Variants in CACNB4 observed in about 807,000 individuals in gnomAD.
The protein encoded by CACNB4 is voltage-dependent L-type calcium channel subunit beta-4.
Under a neutral mutation model 71.2 loss-of-function variants are expected in CACNB4, and 32 were observed. That is an observed-to-expected ratio of 0.45 (90% CI 0.34 to 0.60). CACNB4 has a LOEUF of 0.60. Among genes scored for constraint, CACNB4 ranks in the 20% least tolerant of loss-of-function variants. The pLI is 0.01. For synonymous variants in CACNB4, 231 were observed against 236.9 expected (o/e 0.97, Z 0.23); for missense variants, 464 against 647.9 (o/e 0.72, Z 3.08).
intron 13 of CACNB4, among the ~76,000 whole-genome samples, chr2:151,840,209 T>A (rs757784417): frequency 6.6e-6 from 1 of 152,156 alleles, no homozygotes; most frequent in Non-Finnish European, 1.5e-5. Flanking sequence ...CCCAGACACA[T>A]CTCATCTAAA....
At chr2:152,073,686 A>G (rs1686829221) in intron 2 of CACNB4, among the ~76,000 whole-genome samples, 1 of 152,240 alleles carries the variant, frequency 6.6e-6, no homozygotes, top group South Asian at 2.1e-4. Flanking sequence ...AACAAAAGAG[A>G]TAATGGTGGG....
Position 151,870,999 on chromosome 2 carries a change from C to T in CACNB4, c.599-138G>A. Reference sequence around the variant, plus strand: ...CCTTCCTATCGCCCACTTTGGAGAACCTGCCTTATGATTTCATTCTGGACA... The same window carrying T: ...CCTTCCTATCGCCCACTTTGGAGAATCTGCCTTATGATTTCATTCTGGACA... On this transcript the variant is annotated intron_variant, in intron 6 of 13. Transcript: ENST00000539935. 4 of 649,280 alleles carry T rather than the reference C, an allele frequency of 6.2e-6. No homozygotes were observed. The South Asian group carries it at 8.1e-5, about 13-fold the overall frequency. 40.2% of individuals were successfully genotyped at this position (649,280 alleles called of 1,614,324 possible). A position where few individuals can be genotyped will look rare whatever the true frequency, so the allele number is the denominator to read the frequency against.
At chr2:151,915,441 G>T (rs903693544) in intron 2 of CACNB4, among the ~76,000 whole-genome samples, 2 of 152,196 alleles carry the variant, frequency 1.3e-5, no homozygotes, top group African/African-American at 2.4e-5. Flanking sequence ...TGTCCCTCCC[G>T]CAAGGAGCTC....
At chr2:152,008,998 C>T (rs11886908) in intron 2 of CACNB4, among the ~76,000 whole-genome samples, 7,548 of 152,052 alleles carry the variant, frequency 0.05, 621 homozygotes, top group African/African-American at 0.17. Flanking sequence ...AAATGAACAG[C>T]GCTTTTAACC....
At chr2:151,962,908 T>C (rs1159018930) in intron 2 of CACNB4, 4 of 152,204 alleles carry the variant, frequency 2.6e-5, no homozygotes, top group Non-Finnish European at 5.9e-5. Flanking sequence ...AACTGTTTTG[T>C]AAGCTGTCAA....
chr2:151,986,903 G>T (rs1472164377), intron 2 of CACNB4, among the ~76,000 whole-genome samples: 1 of 152,124 alleles, frequency 6.6e-6, no homozygotes, highest in Non-Finnish European at 1.5e-5. Flanking sequence ...TTCAGCAGGA[G>T]TTGCTTCAGA....
chr2:152,084,201 G>A (rs144163061), intron 2 of CACNB4, among the ~76,000 whole-genome samples: 79 of 152,308 alleles, frequency 5.2e-4, no homozygotes, highest in African/African-American at 1.8e-3. Context: ...TCATGCTGCA[G>A]AAGCTGGCTT....
intron 2 of CACNB4, among the ~76,000 whole-genome samples, chr2:151,989,292 T>C (rs1278339901): frequency 6.6e-6 from 1 of 152,238 alleles, no homozygotes; most frequent in African/African-American, 2.4e-5. Flanking sequence ...CTGTCCTTCA[T>C]AGCCAACATC....
At chr2:151,943,867 A>G (rs1377664355) in intron 2 of CACNB4, among the ~76,000 whole-genome samples, 1 of 152,208 alleles carries the variant, frequency 6.6e-6, no homozygotes. Context: ...CAATTATTAG[A>G]GACTCCAATT....
intron 2 of CACNB4, among the ~76,000 whole-genome samples, chr2:152,039,370 C>G (rs1579182385): frequency 6.6e-6 from 1 of 151,160 alleles, no homozygotes; most frequent in East Asian, 2.0e-4. Flanking sequence ...GAGCTGAGAT[C>G]TCGACACTGC....
In CACNB4 at chr2:151,889,658, T is replaced by C. The variant is rs142507967; in HGVS notation, c.148-6288A>G. 3.3e-5 allele frequency among the ~76,000 whole-genome samples: 5 copies of C among 152,286 alleles called. No individual in the cohort carries two copies. In the East Asian group the frequency reaches 9.7e-4, roughly 29 times the overall value. ...ACTTTCCCAGATTTCCCCGGGTAGA[T>C]GAGTGAATATAACTCACTCACAAGG... On this transcript the variant is annotated intron_variant, in intron 2 of 13. Coordinates refer to ENST00000539935, the MANE Select transcript of CACNB4 (RefSeq NM_000726.5).
At position 152,045,918 on chromosome 2, in the gene CACNB4, G is replaced by T. The variant is rs1029149277; in HGVS notation, c.147+52412C>A. 1.1e-4 allele frequency among the ~76,000 whole-genome samples: 17 copies of T among 152,142 alleles called. 1 individual carries two copies. The highest frequency in any genetic ancestry group is 1.1e-3 in the Admixed American group (17 of 15,274). Reference sequence around the variant, plus strand: ...TTTAGAACATAGCTTGAAATAGAGGGGATGAAAAGTTCTGATAAATGAGCT... The same window carrying T: ...TTTAGAACATAGCTTGAAATAGAGGTGATGAAAAGTTCTGATAAATGAGCT... On this transcript the variant is annotated intron_variant, in intron 2 of 13. Coordinates refer to ENST00000539935, the MANE Select transcript of CACNB4 (RefSeq NM_000726.5).
At chr2:152,064,325 A>G (rs1013485368) in intron 2 of CACNB4, among the ~76,000 whole-genome samples, 1 of 152,156 alleles carries the variant, frequency 6.6e-6, no homozygotes, top group Non-Finnish European at 1.5e-5. Flanking sequence ...ATTCAAATCT[A>G]TATTTTATTC....
chr2:151,925,924 T>C (rs2099860133), intron 2 of CACNB4, among the ~76,000 whole-genome samples: 1 of 152,188 alleles, frequency 6.6e-6, no homozygotes. Context: ...TACCACTTGC[T>C]GGGATGTGAA....
At chr2:151,993,394 G>A (rs145974794) in intron 2 of CACNB4, among the ~76,000 whole-genome samples, 9 of 152,208 alleles carry the variant, frequency 5.9e-5, no homozygotes, top group South Asian at 2.1e-4. Context: ...GGAACTGGAC[G>A]AGAAGGTACA....
chr2:152,056,652 T>C (rs1685746343), intron 2 of CACNB4, among the ~76,000 whole-genome samples: 1 of 152,190 alleles, frequency 6.6e-6, no homozygotes, highest in Non-Finnish European at 1.5e-5. Flanking sequence ...ATTTTCTTCA[T>C]AGTTCTATTA....
intron 2 of CACNB4, among the ~76,000 whole-genome samples, chr2:152,080,432 T>G (rs1417394480): frequency 6.6e-6 from 1 of 152,170 alleles, no homozygotes; most frequent in African/African-American, 2.4e-5. Context: ...ATTTACTGTC[T>G]TATACAGTGT....
intron 2 of CACNB4, among the ~76,000 whole-genome samples, chr2:151,892,626 A>C (rs528148973): frequency 6.6e-6 from 1 of 152,342 alleles, no homozygotes; most frequent in African/African-American, 2.4e-5. Context: ...AAACAGAAGG[A>C]GATCCCCCAG....
rs116051089 is a variant in CACNB4 at position 151,925,029 on chromosome 2, T to C, written c.148-41659A>G. Among the ~76,000 whole-genome samples, 926 of 152,356 alleles carry C rather than the reference T, an allele frequency of 6.1e-3. 2 individuals carry two copies. Among genetic ancestry groups the C allele is most frequent in the Non-Finnish European group, 9.9e-3 (673 of 68,034 alleles). ...TATTTGTATTGTACTCAGCTGTTTA[T>C]TCCTCTGCCTCTCCCACTTATCTGT... On this transcript the variant is annotated intron_variant, in intron 2 of 13. Transcript: ENST00000539935.
Sources: allele counts gnomAD v4.1 joint callset (sites outside exome capture counted in the v4.1 genomes callset), GRCh38; gene constraint gnomAD v4.1.1; transcripts MANE v1.5; gene names NCBI Gene and HGNC (gene_info 2026-07-23, HGNC 2026-07-21).